The following CCDC149 variants were observed in gnomAD, a reference collection of about 807,000 sequenced individuals.
CCDC149 encodes coiled-coil domain-containing protein 149.
CCDC149 carries 45 observed loss-of-function variants against 59.9 expected under a neutral mutation model. The ratio of observed to expected loss-of-function variants is 0.75; its 90% CI spans 0.59 to 0.96. The LOEUF is 0.96. Among genes scored for constraint, CCDC149 ranks in the 40% least tolerant of loss-of-function variants. The pLI, the probability that CCDC149 is intolerant of heterozygous loss-of-function variation, is 0.00. For synonymous variants in CCDC149, 245 were observed against 260.6 expected (o/e 0.94, Z 0.58); for missense variants, 584 against 664.7 (o/e 0.88, Z 1.33).
chr4:24,892,992 C>A (rs891547810), intron 1 of CCDC149, among the ~76,000 whole-genome samples: 1 of 152,122 alleles, frequency 6.6e-6, no homozygotes, highest in Non-Finnish European at 1.5e-5. Flanking sequence ...GGGGGCTGAT[C>A]GCCCTCATTA....
chr4:24,824,059 A>T (rs547900883), intron 9 of CCDC149, among the ~76,000 whole-genome samples: 10 of 152,344 alleles, frequency 6.6e-5, no homozygotes, highest in African/African-American at 2.4e-4. Context: ...ACGAGATCAG[A>T]TCATCTGTAG....
chr4:24,977,301 T>C (rs771359365), intron 1 of CCDC149, among the ~76,000 whole-genome samples: 39 of 152,170 alleles, frequency 2.6e-4, no homozygotes, highest in Non-Finnish European at 5.1e-4. Flanking sequence ...GAGATCCTCT[T>C]AGCTATCTTG....
intron 9 of CCDC149, among the ~76,000 whole-genome samples, chr4:24,826,304 C>T (rs1456579762): frequency 6.6e-6 from 1 of 152,018 alleles, no homozygotes; most frequent in Non-Finnish European, 1.5e-5. Context: ...GAAGTTTAGG[C>T]AAAGTATTCT....
intron 1 of CCDC149, among the ~76,000 whole-genome samples, chr4:24,952,652 T>C (rs1206047094): frequency 2.3e-5 from 2 of 86,080 alleles, no homozygotes; most frequent in Admixed American, 2.8e-4. Flanking sequence ...TATATATATA[T>C]ATATATATAT....
intron 12 of CCDC149, among the ~76,000 whole-genome samples, chr4:24,819,598 G>C (rs1049407799): frequency 1.3e-5 from 2 of 152,142 alleles, no homozygotes; most frequent in African/African-American, 4.8e-5. Context: ...TAGGATTACA[G>C]GTGTGAGCCA....
At chr4:24,949,881 G>A (rs2109353843) in intron 1 of CCDC149, among the ~76,000 whole-genome samples, 1 of 152,326 alleles carries the variant, frequency 6.6e-6, no homozygotes, top group Non-Finnish European at 1.5e-5. Context: ...ACTCCCCGGG[G>A]CCTGTGACTA....
upstream of CCDC149, among the ~76,000 whole-genome samples, chr4:24,913,610 G>A (rs887764619): frequency 4.6e-5 from 7 of 152,204 alleles, no homozygotes; most frequent in Admixed American, 2.6e-4. Context: ...CAAAAACTCT[G>A]AGGGAGATGG....
At chr4:24,865,001 T>C (rs1161596878) in intron 3 of CCDC149, among the ~76,000 whole-genome samples, 1 of 152,204 alleles carries the variant, frequency 6.6e-6, no homozygotes, top group Non-Finnish European at 1.5e-5. Flanking sequence ...TGACTGTATA[T>C]GTAACCTCGC....
In CCDC149 at chr4:24,819,959, T is replaced by A. The variant is rs766411556; in HGVS notation, c.1092A>T (p.Ile364=). ...TAGGAAGAGTGGGGTCGCTGAACAG[T>A]ATGGTGTCCTTGCCCCCTGTTGCAG... is the stretch of plus-strand genomic sequence containing the variant. The change falls in exon 12 of 13, where the codon ATA becomes ATT. Residue 364 remains isoleucine, a synonymous_variant. Coordinates refer to ENST00000635206, the MANE Select transcript of CCDC149 (RefSeq NM_001330643.2). 1 of 1,550,232 alleles carries A rather than the reference T, an allele frequency of 6.5e-7. No individual in the cohort carries two copies. Among genetic ancestry groups the A allele is most frequent in the Non-Finnish European group, 8.7e-7 (1 of 1,146,256 alleles).
chr4:24,836,552 T>C (rs775681683), intron 6 of CCDC149, 44 bp from the exon 7 acceptor site: 2 of 1,293,308 alleles, frequency 1.5e-6, no homozygotes, highest in East Asian at 2.3e-5. Context: ...AAGGGCTAAA[T>C]AAAAAACACA....
chr4:24,880,121 G>A (rs2109257726), intron 1 of CCDC149, among the ~76,000 whole-genome samples: 1 of 152,338 alleles, frequency 6.6e-6, no homozygotes, highest in African/African-American at 2.4e-5. Flanking sequence ...CAACACTTTA[G>A]TCAATGGCAG....
intron 1 of CCDC149, among the ~76,000 whole-genome samples, chr4:24,897,275 G>A (rs1030298744): frequency 1.3e-5 from 2 of 152,172 alleles, no homozygotes; most frequent in African/African-American, 4.8e-5. Context: ...ATGCGCTTCA[G>A]ACAGAAATAG....
At chr4:24,965,861 A>T (rs182442784) in intron 1 of CCDC149, among the ~76,000 whole-genome samples, 62 of 152,232 alleles carry the variant, frequency 4.1e-4, no homozygotes, top group African/African-American at 1.3e-3. Flanking sequence ...CAGGCGCAAA[A>T]CCCCGCACGT....
chr4:24,913,973 C>T (rs1226481158), upstream of CCDC149, among the ~76,000 whole-genome samples: 2 of 152,158 alleles, frequency 1.3e-5, no homozygotes, highest in African/African-American at 2.4e-5. Flanking sequence ...CCTCTGTACT[C>T]GCAGAAACGC....
chr4:24,970,612 G>T (rs867566302), intron 1 of CCDC149, among the ~76,000 whole-genome samples: 2 of 152,246 alleles, frequency 1.3e-5, no homozygotes, highest in South Asian at 4.1e-4. Context: ...TAGTGACAAG[G>T]TGGTGGAACA....
chr4:24,963,078 T>C (rs1723688970), intron 1 of CCDC149, among the ~76,000 whole-genome samples: 1 of 152,168 alleles, frequency 6.6e-6, no homozygotes, highest in African/African-American at 2.4e-5. Context: ...ATACTTTCAT[T>C]ACTCCAGCCA....
In CCDC149 at chr4:24,876,508, T is replaced by C. The variant is rs188130758; in HGVS notation, c.225+28A>G. On this transcript the variant is annotated intron_variant, in intron 2 of 12. Coordinates refer to ENST00000635206, the MANE Select transcript of CCDC149 (RefSeq NM_001330643.2). ...TATCTTAATTCAGGGAACAGGAAAG[T>C]CGCTGAACAGGGCAGCCTAACACTT... 310 of 1,583,580 alleles carry C rather than the reference T, an allele frequency of 2.0e-4. 1 individual carries two copies. The highest frequency in any genetic ancestry group is 1.6e-3 in the Admixed American group (89 of 56,128).
At chr4:24,959,784 A>G (rs919096456) in intron 1 of CCDC149, among the ~76,000 whole-genome samples, 1 of 152,226 alleles carries the variant, frequency 6.6e-6, no homozygotes, top group Non-Finnish European at 1.5e-5. Flanking sequence ...GAAACCTATC[A>G]GTCTAGAATT....
intron 1 of CCDC149, among the ~76,000 whole-genome samples, chr4:24,948,909 C>T (rs73105506): frequency 2.6e-5 from 4 of 152,174 alleles, no homozygotes; most frequent in Non-Finnish European, 5.9e-5. Context: ...CACAAACTCT[C>T]TCTTTGCCAT....
Sources: allele counts gnomAD v4.1 joint callset (sites outside exome capture counted in the v4.1 genomes callset), GRCh38; gene constraint gnomAD v4.1.1; transcripts MANE v1.5; gene names NCBI Gene and HGNC (gene_info 2026-07-23, HGNC 2026-07-21).